Variants in DEPDC1B observed in about 807,000 individuals in gnomAD.
The protein encoded by DEPDC1B is DEP domain-containing protein 1B.
DEPDC1B carries 51 observed loss-of-function variants against 66.5 expected under a neutral mutation model. The observed-to-expected ratio is 0.77, with a 90% CI of 0.61 to 0.97. DEPDC1B has a LOEUF of 0.97. Among genes scored for constraint, DEPDC1B ranks in the 50% least tolerant of loss-of-function variants. DEPDC1B has a pLI of 0.00. For synonymous variants in DEPDC1B, 226 were observed against 223.6 expected, an observed-to-expected ratio of 1.01 and a Z score of -0.10; for missense variants, 552 against 637.1, an observed-to-expected ratio of 0.87 and a Z score of 1.44.
intron 7 of DEPDC1B, among the ~76,000 whole-genome samples, chr5:60,624,668 T>A (rs1333075000): frequency 1.3e-5 from 2 of 152,200 alleles, no homozygotes; most frequent in African/African-American, 4.8e-5. Flanking sequence ...ACAATTTCAA[T>A]CATTTTAAAT....
intron 2 of DEPDC1B, among the ~76,000 whole-genome samples, chr5:60,654,124 T>C (rs1584068826): frequency 6.7e-6 from 1 of 149,254 alleles, no homozygotes; most frequent in Admixed American, 6.6e-5. Context: ...TAGGATTGTT[T>C]TTACTAGTTC....
At chr5:60,688,987 C>T (rs1411018075) in intron 1 of DEPDC1B, 5 of 456,162 alleles carry the variant, frequency 1.1e-5, no homozygotes, top group South Asian at 7.7e-5. Flanking sequence ...ATGCTCACCA[C>T]ACAATGATCC....
chr5:60,693,679 C>T (rs190586046), intron 1 of DEPDC1B, among the ~76,000 whole-genome samples: 24 of 152,242 alleles, frequency 1.6e-4, no homozygotes, highest in Non-Finnish European at 3.1e-4. Context: ...TCCTGTGCTA[C>T]GGACTTTTCT....
chr5:60,633,309 C>G (rs543261977), intron 7 of DEPDC1B, among the ~76,000 whole-genome samples: 32 of 152,288 alleles, frequency 2.1e-4, no homozygotes, highest in African/African-American at 6.7e-4. Context: ...CCTTCCTTGC[C>G]TCTTCTCTCC....
intron 7 of DEPDC1B, among the ~76,000 whole-genome samples, chr5:60,635,774 A>T (rs1180903086): frequency 6.6e-6 from 1 of 152,150 alleles, no homozygotes; most frequent in Non-Finnish European, 1.5e-5. Flanking sequence ...GATCTTCTAA[A>T]TTTTTTTTAA....
At chr5:60,618,201 G>T (rs201730325) in intron 7 of DEPDC1B, among the ~76,000 whole-genome samples, 2 of 141,200 alleles carry the variant, frequency 1.4e-5, no homozygotes, top group South Asian at 2.2e-4. Flanking sequence ...GATCTAAAAT[G>T]ACACCCTAAC....
chr5:60,633,575 A>G (rs933512686), intron 7 of DEPDC1B, among the ~76,000 whole-genome samples: 2 of 152,182 alleles, frequency 1.3e-5, no homozygotes, highest in African/African-American at 2.4e-5. Flanking sequence ...GAGTCACCCC[A>G]GCCAACCTCC....
intron 10 of DEPDC1B, 102 bp downstream of exon 10, chr5:60,598,973 T>C: frequency 9.9e-7 from 1 of 1,014,896 alleles, no homozygotes; most frequent in Non-Finnish European, 1.4e-6. Context: ...AAAACTGCTA[T>C]GGCTCAGAAG....
chr5:60,699,961 G>A (rs1754747638), intron 1 of DEPDC1B, 85 bp downstream of exon 1: 6 of 1,497,222 alleles, frequency 4.0e-6, no homozygotes, highest in Non-Finnish European at 5.4e-6. Flanking sequence ...CTGCGGAAGC[G>A]AAGACTGACA....
chr5:60,619,676 G>C (rs900862038), intron 7 of DEPDC1B, among the ~76,000 whole-genome samples: 5 of 152,172 alleles, frequency 3.3e-5, no homozygotes, highest in African/African-American at 1.2e-4. Flanking sequence ...CATGCTCATG[G>C]GTAGGAAGAA....
At chr5:60,612,194 G>T (rs997939376) in intron 7 of DEPDC1B, among the ~76,000 whole-genome samples, 3 of 152,040 alleles carry the variant, frequency 2.0e-5, no homozygotes, top group Non-Finnish European at 4.4e-5. Context: ...AGGCTGAGGT[G>T]AGTGGATCAC....
chr5:60,605,952 CA>C (rs1445461586), intron 7 of DEPDC1B, 96 bp from the exon 8 acceptor site: 1 of 1,063,654 alleles, frequency 9.4e-7, no homozygotes, highest in Non-Finnish European at 1.3e-6. Context: ...AGTAAAATTA[CA>C]TAAAATATTT....
chr5:60,693,187 C>G (rs1754584476), intron 1 of DEPDC1B, among the ~76,000 whole-genome samples: 1 of 152,072 alleles, frequency 6.6e-6, no homozygotes, highest in Non-Finnish European at 1.5e-5. Context: ...CACATACATA[C>G]ACATATGCAC....
intron 8 of DEPDC1B, among the ~76,000 whole-genome samples, chr5:60,603,826 CATATATATAT>C (rs34747463): frequency 6.8e-6 from 1 of 146,086 alleles, no homozygotes; most frequent in Admixed American, 6.9e-5. Flanking sequence ...TTTAAATATA[CATATATATAT>C]ATATATATAT....
intron 2 of DEPDC1B, 126 bp downstream of exon 2, chr5:60,686,836 T>C: frequency 8.0e-7 from 1 of 1,246,868 alleles, no homozygotes; most frequent in Admixed American, 2.2e-5. Context: ...ACTCAACAAA[T>C]CACAACTAGA....
chr5:60,657,163 C>T (rs923523862), intron 2 of DEPDC1B, among the ~76,000 whole-genome samples: 29 of 152,172 alleles, frequency 1.9e-4, no homozygotes, highest in African/African-American at 3.4e-4. Context: ...TACCCCGTTA[C>T]CTTTAGTTTA....
rs1175058614 is a variant in DEPDC1B, at chr5:60,687,199, G to A, written c.77C>T (p.Ala26Val). The change falls in exon 2 of 11, where the codon GCT becomes GTT. Residue 26 changes from alanine (A) to valine (V), a missense_variant. Coordinates refer to ENST00000265036, the MANE Select transcript of DEPDC1B (RefSeq NM_018369.3). The part of the protein sequence containing the change: ...LWNETVELFR[A>V]KMPLRKHRCR... ...GCGATGTTTCCGTAACGGCATCTTA[G>A]CACGAAAAAGCTCCACGGTCTCATT... is the stretch of plus-strand genomic sequence containing the variant. 1.2e-6 allele frequency: 2 copies of A among 1,612,216 alleles called. No homozygotes were observed. Among genetic ancestry groups the A allele is most frequent in the African/African-American group, 1.3e-5 (1 of 74,874 alleles).
At chr5:60,658,846 C>A (rs567205593) in intron 2 of DEPDC1B, among the ~76,000 whole-genome samples, 26 of 152,154 alleles carry the variant, frequency 1.7e-4, no homozygotes, top group African/African-American at 6.3e-4. Flanking sequence ...ATGTTTGTTA[C>A]GGCTCAAGCT....
intron 7 of DEPDC1B, among the ~76,000 whole-genome samples, chr5:60,623,942 T>C (rs1204101845): frequency 1.3e-5 from 2 of 152,164 alleles, no homozygotes; most frequent in East Asian, 3.8e-4. Flanking sequence ...ATTTTTGATA[T>C]CAGCAAACGT....
Sources: allele counts gnomAD v4.1 joint callset (sites outside exome capture counted in the v4.1 genomes callset), GRCh38; gene constraint gnomAD v4.1.1; transcripts MANE v1.5; gene names NCBI Gene and HGNC (gene_info 2026-07-23, HGNC 2026-07-21).